Variants in SLC13A2 observed in about 807,000 individuals in gnomAD.
SLC13A2 encodes the protein solute carrier family 13 member 2, also known as Na(+)-coupled citrate transporter.
In SLC13A2, 40 loss-of-function variants were observed where a neutral mutation model predicts 58.5. The ratio of observed to expected loss-of-function variants is 0.68; its 90% CI spans 0.53 to 0.89. The LOEUF is 0.89. Among genes scored for constraint, SLC13A2 ranks in the 40% least tolerant of loss-of-function variants. The probability of loss-of-function intolerance (pLI) is 0.00; values close to 1 mark genes in which losing one functional copy is unlikely to be tolerated. For missense variants in SLC13A2, 694 were observed against 772.6 expected (o/e 0.90, Z 1.21); for synonymous variants, 341 against 331.6 (o/e 1.03, Z -0.31).
In SLC13A2 at chr17:28,491,294, G is replaced by T. The variant is rs572973830; in HGVS notation, c.575-143G>T. 21 of 867,846 alleles carry T rather than the reference G, an allele frequency of 2.4e-5. No homozygotes were observed. In the South Asian group the frequency reaches 3.5e-4, roughly 15 times the overall value. The allele number at this position is 867,846 out of a possible 1,614,324, so 53.8% of individuals were successfully genotyped here. On this transcript the variant is annotated intron_variant, in intron 4 of 11. Transcript: ENST00000314669. ...CTCTGGGGAATGCTGGGCCCCTCAG[G>T]CCTGGAGACATCCTCTGTCCTCCTT... is the stretch of plus-strand genomic sequence containing the variant.
chr17:28,488,422 C>T (rs1466917627), intron 1 of SLC13A2, among the ~76,000 whole-genome samples: 1 of 152,140 alleles, frequency 6.6e-6, no homozygotes, highest in Non-Finnish European at 1.5e-5. Flanking sequence ...ATTCCCCAGC[C>T]CTGGGAAGCC....
Position 28,496,531 on chromosome 17 carries a change from G to A in SLC13A2, c.1552G>A (p.Ala518Thr). 1 of 1,613,492 alleles carries A rather than the reference G, an allele frequency of 6.2e-7. No homozygotes were observed. Among genetic ancestry groups the A allele is most frequent in the Non-Finnish European group, 8.5e-7 (1 of 1,179,728 alleles). ...CTCCCTGGCCTTCATGTTGCCTGTG[G>A]CCACCCCGCCCAATGCCATCGTCTT... ...ATSLAFMLPVATPPNAIVFSF... is the reference protein window; with the variant it reads ...ATSLAFMLPVTTPPNAIVFSF... Residue 518 changes from alanine (A) to threonine (T), a missense_variant, in exon 11 of 12, where the codon GCC (alanine) becomes ACC (threonine). Physicochemically the swap from Ala to Thr is moderately conservative, Grantham distance 58 (BLOSUM62 0). Transcript: ENST00000314669. This position sits in a 1 kb window ranked among gnomAD's most constrained non-coding sequence, Gnocchi z 4.2.
At chr17:28,493,003 A>AG (rs1255826645) in intron 6 of SLC13A2, among the ~76,000 whole-genome samples, 4 of 152,266 alleles carry the variant, frequency 2.6e-5, no homozygotes, top group African/African-American at 9.6e-5. Context: ...CAGGCACCAC[A>AG]GGGGAGTCAA....
intron 1 of SLC13A2, among the ~76,000 whole-genome samples, chr17:28,474,110 G>T (rs2068631930): frequency 6.6e-6 from 1 of 152,170 alleles, no homozygotes; most frequent in Non-Finnish European, 1.5e-5. Flanking sequence ...AGATGGAGCT[G>T]ATCTACCTAC....
In SLC13A2 at chr17:28,493,731, G is replaced by C. The variant is rs1555604015; in HGVS notation, c.1039G>C (p.Glu347Gln). The change falls in exon 7 of 12, where the codon GAG (glutamate) becomes CAG (glutamine). Residue 347 changes from glutamate to glutamine, a missense_variant. Glu to Gln is a conservative substitution (Grantham distance 29). Transcript: ENST00000314669. ...CCTGGTGCTGCTCTGGTTCACCCGG[G>C]AGCCGGGCTTTTTTCTTGGCTGGGG... Reference protein sequence around the residue: ...VILVLLWFTREPGFFLGWGNL... With the variant: ...VILVLLWFTRQPGFFLGWGNL... 3 of 1,614,262 alleles carry C rather than the reference G, an allele frequency of 1.9e-6. No individual in the cohort carries two copies. Among genetic ancestry groups the C allele is most frequent in the Non-Finnish European group, 2.5e-6 (3 of 1,180,046 alleles).
In SLC13A2 at chr17:28,496,391, T is replaced by C; in HGVS notation, c.1471-59T>C. 6.5e-7 allele frequency: 1 copy of C among 1,539,236 alleles called. No homozygotes were observed. Among genetic ancestry groups the C allele is most frequent in the South Asian group, 1.2e-5 (1 of 80,744 alleles). On this transcript the variant is annotated intron_variant, in intron 10 of 11. Transcript: ENST00000314669. This position sits in a 1 kb window ranked among gnomAD's most constrained non-coding sequence, Gnocchi z 4.2. ...AGAGAAGCAGGAGAATTGGGGGCCATGCCCCTCCCTCTGGCTTGGGGACCA... is the reference window on the plus strand; with the variant it reads ...AGAGAAGCAGGAGAATTGGGGGCCACGCCCCTCCCTCTGGCTTGGGGACCA...
At chr17:28,488,470 A>G (rs1190533132) in intron 1 of SLC13A2, among the ~76,000 whole-genome samples, 2 of 152,168 alleles carry the variant, frequency 1.3e-5, no homozygotes, top group African/African-American at 4.8e-5. Context: ...GAGAGGCTCT[A>G]TAAGGGGGGT....
At chr17:28,488,214 G>GGGTAC (rs1267195180) in intron 1 of SLC13A2, among the ~76,000 whole-genome samples, 2 of 152,190 alleles carry the variant, frequency 1.3e-5, no homozygotes, top group African/African-American at 4.8e-5. Flanking sequence ...CCAAGCTTTA[G>GGGTAC]GGTACTAAGA....
intron 1 of SLC13A2, among the ~76,000 whole-genome samples, chr17:28,486,369 T>C (rs2068882155): frequency 6.6e-6 from 1 of 152,346 alleles, no homozygotes; most frequent in East Asian, 1.9e-4. Context: ...TGTTCTTGAA[T>C]AGATAAAATA....
At chr17:28,475,616 C>G (rs948778773) in intron 1 of SLC13A2, among the ~76,000 whole-genome samples, 8 of 152,192 alleles carry the variant, frequency 5.3e-5, no homozygotes, top group Admixed American at 1.3e-4. Flanking sequence ...TCTCTTTTGT[C>G]AGCTCCCATC....
chr17:28,473,942 C>A, intron 1 of SLC13A2, 128 bp downstream of exon 1: 1 of 752,676 alleles, frequency 1.3e-6, no homozygotes, highest in Admixed American at 2.3e-5. Context: ...GTGAGGCTAT[C>A]GCCCCCTGCT....
intron 1 of SLC13A2, among the ~76,000 whole-genome samples, chr17:28,487,885 A>G (rs1478817987): frequency 6.6e-6 from 1 of 152,158 alleles, no homozygotes; most frequent in Non-Finnish European, 1.5e-5. Context: ...CAGGCTACAC[A>G]CTGCACAATT....
In SLC13A2 at chr17:28,494,226, C is replaced by T; in HGVS notation, c.1186+121C>T. On this transcript the variant is annotated intron_variant, in intron 8 of 11. Transcript: ENST00000314669. This position sits in a 1 kb window ranked among gnomAD's most constrained non-coding sequence, Gnocchi z 4.0. Reference sequence around the variant, plus strand: ...AGCCCAGAAAGGCTGGAGCGACTTGCCAAGGGCACAGGGACTCGGAGACAA... The same window carrying T: ...AGCCCAGAAAGGCTGGAGCGACTTGTCAAGGGCACAGGGACTCGGAGACAA... The T allele has an allele frequency of 6.7e-7, 1 of 1,484,744 alleles. No individual in the cohort carries two copies. The highest frequency in any genetic ancestry group is 9.3e-7 in the Non-Finnish European group (1 of 1,071,994). 92.0% of individuals were successfully genotyped at this position (1,484,744 alleles called of 1,614,324 possible).
At chr17:28,474,668 C>T (rs1252295785) in intron 1 of SLC13A2, among the ~76,000 whole-genome samples, 4 of 152,112 alleles carry the variant, frequency 2.6e-5, no homozygotes, top group African/African-American at 9.7e-5. Flanking sequence ...AGAAAAAGGA[C>T]ACAAAAGTAT....
chr17:28,475,566 C>G lies in SLC13A2; in HGVS notation c.102+1752C>G, dbSNP rs189210338. Among the ~76,000 whole-genome samples, 134 of 152,322 alleles carry G rather than the reference C, an allele frequency of 8.8e-4. 2 individuals are homozygous for G. The highest frequency in any genetic ancestry group is 8.8e-3 in the Admixed American group (134 of 15,298). On this transcript the variant is annotated intron_variant, in intron 1 of 11. Transcript: ENST00000314669. ...CCTCTTTCTCTGCTCTCTCTCATAA[C>G]AGGAAGTCTCAAGACACTGTCTACA... is the stretch of plus-strand genomic sequence containing the variant.
chr17:28,484,914 G>A (rs2068849265), intron 1 of SLC13A2, among the ~76,000 whole-genome samples: 1 of 152,178 alleles, frequency 6.6e-6, no homozygotes, highest in Non-Finnish European at 1.5e-5. Flanking sequence ...GTGGAGAAGA[G>A]TGAGGATCTG....
Position 28,497,491 on chromosome 17 carries a change from CCT to C in SLC13A2, c.*223_*224del. 1.8e-6 allele frequency: 1 copy of C among 568,458 alleles called. No homozygotes were observed. The allele number at this position is 568,458 out of a possible 1,614,324, so 35.2% of individuals were successfully genotyped here. ...ATGTGTGTGTGCGCATATGTGTGCG[CCT>C]GCATGGATGTGAGGGGTGTGTGACG... On this transcript the variant is annotated 3_prime_UTR_variant, in exon 12 of 12. Transcript: ENST00000314669.
At position 28,474,561 on chromosome 17, in the gene SLC13A2, AT is replaced by A. The variant is rs376961595; in HGVS notation, c.102+748del. Among the ~76,000 whole-genome samples, 38 of 152,214 alleles carry A rather than the reference AT, an allele frequency of 2.5e-4. No homozygotes were observed. In the East Asian group the frequency reaches 6.4e-3, roughly 26 times the overall value. ...CAGGCCTGACTGTCCCATTTGACAA[AT>A]GGGGAAGGTGAGGTTAAGTCACTTA... On this transcript the variant is annotated intron_variant, in intron 1 of 11. Transcript: ENST00000314669.
Position 28,490,843 on chromosome 17 carries a change from G to C in SLC13A2, c.511G>C (p.Gly171Arg). The C allele has an allele frequency of 6.2e-7, 1 of 1,614,112 alleles. No individual in the cohort carries two copies. Among genetic ancestry groups the C allele is most frequent in the Non-Finnish European group, 8.5e-7 (1 of 1,180,046 alleles). ...GCAAGCCAGCAGCAACGTCGAGGAG[G>C]GCAGCAACAACCCCACCTTCGAGCT... ...SSQASSNVEE[G>R]SNNPTFELQE... The change falls in exon 4 of 12, where the codon GGC (glycine) becomes CGC (arginine). Residue 171 changes from glycine to arginine, a missense_variant. Gly to Arg is a moderately radical substitution (Grantham distance 125, BLOSUM62 -2). Transcript: ENST00000314669.
Sources: gnomAD v4.1 joint callset for allele counts (sites outside exome capture counted in the v4.1 genomes callset) on GRCh38, gnomAD v4.1.1 for gene constraint, Gnocchi (gnomAD v3.1) non-coding constraint, MANE v1.5 for transcripts, NCBI Gene and HGNC (gene_info 2026-07-23, HGNC 2026-07-21) for gene names.